The following GPRC6A variants were observed in gnomAD, a reference collection of about 807,000 sequenced individuals.
GPRC6A encodes G protein-coupled receptor class C group 6 member A.
GPRC6A carries 54 observed loss-of-function variants against 47.0 expected under a neutral mutation model. That is an observed-to-expected ratio of 1.15 (90% CI 0.92 to 1.44). GPRC6A has a LOEUF of 1.44. GPRC6A is among the 40% of genes most tolerant of loss of function. The probability of loss-of-function intolerance (pLI) is 0.00; values close to 1 mark genes in which losing one functional copy is unlikely to be tolerated. For synonymous variants in GPRC6A, 347 were observed against 377.1 expected (o/e 0.92, Z 0.93); for missense variants, 1,112 against 1,105.5 (o/e 1.01, Z -0.08).
In GPRC6A at chr6:116,810,054, G is replaced by A. The variant is rs78156659; in HGVS notation, c.195-437C>T. On this transcript the variant is annotated intron_variant, in intron 1 of 5. Coordinates refer to ENST00000310357, the MANE Select transcript of GPRC6A (RefSeq NM_148963.4). ...TTAAGAATTACATTTAAACAGCTTT[G>A]GTTAAAGCTTAACAGCCTGCTCCTA... 3.7e-3 allele frequency among the ~76,000 whole-genome samples: 566 copies of A among 152,048 alleles called. 5 individuals carry two copies. The highest frequency in any genetic ancestry group is 0.024 in the Middle Eastern group (7 of 294).
In GPRC6A at chr6:116,792,379, G is replaced by C. The variant is rs755894078; in HGVS notation, c.2544C>G (p.Ala848=). ...ICKQEINTKS[A]FLKMIYSYSS... is the part of the protein sequence containing the mutation. ...AATAACTGTAGATCATCTTGAGAAA[G>C]GCAGACTTTGTGTTAATCTCTTGCT... The change falls in exon 6 of 6, where the codon GCC becomes GCG. Residue 848 remains alanine, a synonymous_variant. Transcript: ENST00000310357. 6.2e-7 allele frequency: 1 copy of C among 1,614,008 alleles called. No homozygotes were observed. Among genetic ancestry groups the C allele is most frequent in the South Asian group, 1.1e-5 (1 of 91,080 alleles).
Position 116,792,346 on chromosome 6 carries a change from A to C in GPRC6A, c.2577T>G (p.His859Gln). Residue 859 changes from histidine to glutamine, a missense_variant, in exon 6 of 6, where the codon CAT (histidine) becomes CAG (glutamine). Coordinates refer to ENST00000310357, the MANE Select transcript of GPRC6A (RefSeq NM_148963.4). ...FLKMIYSYSS[H>Q]SVSSIALSPA... ...GACTCAGGGCAATGCTGCTCACACT[A>C]TGGGAAGAATAACTGTAGATCATCT... 6.2e-7 allele frequency: 1 copy of C among 1,614,044 alleles called. No homozygotes were observed.
intron 1 of GPRC6A, among the ~76,000 whole-genome samples, chr6:116,819,886 C>CA (rs1230302544): frequency 6.7e-6 from 1 of 148,838 alleles, no homozygotes; most frequent in Non-Finnish European, 1.5e-5. Context: ...AATAGAGACA[C>CA]AAAAAACCCT....
At chr6:116,799,266 A>G (rs991302515) in intron 4 of GPRC6A, among the ~76,000 whole-genome samples, 3 of 152,184 alleles carry the variant, frequency 2.0e-5, no homozygotes, top group African/African-American at 7.2e-5. Flanking sequence ...AATAGTCATC[A>G]GACTCCCATA....
At chr6:116,826,884 C>A (rs1440607984) in intron 1 of GPRC6A, among the ~76,000 whole-genome samples, 3 of 151,800 alleles carry the variant, frequency 2.0e-5, no homozygotes, top group South Asian at 2.1e-4. Flanking sequence ...AGAATAAAAT[C>A]ATATCATTTG....
intron 1 of GPRC6A, 101 bp downstream of exon 1, chr6:116,828,719 A>T: frequency 1.0e-6 from 1 of 989,128 alleles, no homozygotes; most frequent in Non-Finnish European, 1.4e-6. Context: ...ATATGAGTTT[A>T]TTTTTTTAAA....
chr6:116,817,308 A>C (rs576473012), intron 1 of GPRC6A, among the ~76,000 whole-genome samples: 25 of 152,266 alleles, frequency 1.6e-4, no homozygotes, highest in Admixed American at 1.2e-3. Flanking sequence ...GTATTCCAAC[A>C]GACCTGCAGC....
chr6:116,823,543 G>C (rs1773577660), intron 1 of GPRC6A, among the ~76,000 whole-genome samples: 1 of 151,870 alleles, frequency 6.6e-6, no homozygotes, highest in Non-Finnish European at 1.5e-5. Flanking sequence ...GTCTTCTTTG[G>C]AGCCCTCCAA....
chr6:116,823,600 A>T (rs1171948881), intron 1 of GPRC6A, among the ~76,000 whole-genome samples: 1 of 151,946 alleles, frequency 6.6e-6, no homozygotes. Context: ...CTGCTTCCAC[A>T]TTTTCAGATA....
At chr6:116,810,148 T>G (rs1772978878) in intron 1 of GPRC6A, among the ~76,000 whole-genome samples, 1 of 152,168 alleles carries the variant, frequency 6.6e-6, no homozygotes, top group Admixed American at 6.6e-5. Flanking sequence ...TTTATACATC[T>G]TGATTTGTGA....
At chr6:116,815,499 TTGAACTTTAGACCAAG>T (rs1454666908) in intron 1 of GPRC6A, among the ~76,000 whole-genome samples, 8 of 152,182 alleles carry the variant, frequency 5.3e-5, no homozygotes, top group African/African-American at 1.4e-4. Context: ...AGGACTTAAA[TTGAACTTTAGACCAAG>T]TGGACCCAAC....
intron 1 of GPRC6A, among the ~76,000 whole-genome samples, chr6:116,820,996 G>T (rs1284349842): frequency 6.6e-6 from 1 of 151,750 alleles, no homozygotes; most frequent in African/African-American, 2.4e-5. Flanking sequence ...AAGCTGATAA[G>T]CAACTTCAGC....
chr6:116,792,418 A>G lies in GPRC6A; in HGVS notation c.2505T>C (p.Tyr835=), dbSNP rs773649536. 1.1e-5 allele frequency: 17 copies of G among 1,613,946 alleles called. No individual in the cohort carries two copies. The highest frequency in any genetic ancestry group is 2.7e-5 in the African/African-American group (2 of 74,928). The change falls in exon 6 of 6, where the codon TAT becomes TAC. Residue 835 remains tyrosine (Y), a synonymous_variant. Transcript: ENST00000310357. ...ILYCTFIPKC[Y]VIICKQEINT... is the part of the protein sequence containing the mutation. ...TAATCTCTTGCTTACAAATAATAAC[A>G]TAGCATTTGGGGATGAATGTGCAAT...
intron 2 of GPRC6A, among the ~76,000 whole-genome samples, chr6:116,809,047 C>A (rs138131542): frequency 1.3e-5 from 2 of 152,142 alleles, no homozygotes; most frequent in African/African-American, 4.8e-5. Flanking sequence ...GCTGATCTAG[C>A]CAGATTGGCC....
intron 1 of GPRC6A, among the ~76,000 whole-genome samples, chr6:116,820,532 TG>T (rs1448122258): frequency 6.7e-6 from 1 of 150,178 alleles, no homozygotes; most frequent in East Asian, 2.0e-4. Flanking sequence ...GCTTCATCCC[TG>T]GGATGCAAGG....
rs749960495 is a variant in GPRC6A, at chr6:116,806,912, T to C, written c.793A>G (p.Ile265Val). Reference protein sequence around the residue: ...EVRINRTLKKIILEAQVNVIV... With the variant: ...EVRINRTLKKVILEAQVNVIV... The stretch of plus-strand genomic sequence containing the variant: ...ACATTAACCTGGGCTTCTAAAATGA[T>C]TTTCTTCAGTGTCCGATTGATTCTG... The change falls in exon 3 of 6, where the codon ATC (isoleucine) becomes GTC (valine). Residue 265 changes from isoleucine to valine, a missense_variant. Ile to Val is a conservative substitution (Grantham distance 29, BLOSUM62 3). Coordinates refer to ENST00000310357, the MANE Select transcript of GPRC6A (RefSeq NM_148963.4). 1.9e-6 allele frequency: 3 copies of C among 1,613,726 alleles called. No homozygotes were observed. Among genetic ancestry groups the C allele is most frequent in the Non-Finnish European group, 2.5e-6 (3 of 1,179,798 alleles).
intron 1 of GPRC6A, among the ~76,000 whole-genome samples, chr6:116,816,135 C>T (rs1316171005): frequency 1.3e-5 from 2 of 152,236 alleles, no homozygotes; most frequent in Non-Finnish European, 2.9e-5. Context: ...TTGCAGAATA[C>T]AATCATTCCT....
chr6:116,828,965 T>C lies in GPRC6A; in HGVS notation c.49A>G (p.Thr17Ala). ...TCAGGGGTCTGGCAAGGCTGTGAAG[T>C]AGCAAGAATAATCACAAAGCAGGTA... ...LITCFVIILA[T>A]SQPCQTPDDF... The change falls in exon 1 of 6, where the codon ACT becomes GCT. Residue 17 changes from threonine (T) to alanine (A), a missense_variant. By Grantham distance (58) the Thr-to-Ala change is moderately conservative. Transcript: ENST00000310357. The C allele has an allele frequency of 6.2e-7, 1 of 1,613,064 alleles. No homozygotes were observed. Among genetic ancestry groups the C allele is most frequent in the Non-Finnish European group, 8.5e-7 (1 of 1,179,436 alleles).
intron 1 of GPRC6A, among the ~76,000 whole-genome samples, chr6:116,811,334 A>G (rs1220629917): frequency 6.6e-6 from 1 of 152,150 alleles, no homozygotes. Flanking sequence ...TAAAAATTGG[A>G]AGAAGCAACT....
Sources: gnomAD v4.1 joint callset for allele counts (sites outside exome capture counted in the v4.1 genomes callset) on GRCh38, gnomAD v4.1.1 for gene constraint, MANE v1.5 for transcripts, NCBI Gene and HGNC (gene_info 2026-07-23, HGNC 2026-07-21) for gene names.